The following SHPRH variants were observed in gnomAD, a reference collection of about 807,000 sequenced individuals.
The protein encoded by SHPRH is SNF2 histone linker PHD RING helicase, also known as E3 ubiquitin-protein ligase SHPRH.
In SHPRH, 106 loss-of-function variants were observed where a neutral mutation model predicts 202.5. The observed-to-expected ratio is 0.52, with a 90% CI of 0.45 to 0.62. SHPRH has a LOEUF of 0.62. Among genes scored for constraint, SHPRH ranks in the 20% least tolerant of loss-of-function variants. The pLI, the probability that SHPRH is intolerant of heterozygous loss-of-function variation, is 0.00. For missense variants in SHPRH, 1,710 were observed against 2,020.0 expected (o/e 0.85, Z 2.94); for synonymous variants, 729 against 686.0 (o/e 1.06, Z -0.98).
At chr6:145,911,838 A>G (rs1450530026) in intron 24 of SHPRH, among the ~76,000 whole-genome samples, 5 of 152,126 alleles carry the variant, frequency 3.3e-5, no homozygotes, top group African/African-American at 1.2e-4. Context: ...TATTTTGCCT[A>G]TTAACAGCTA....
In SHPRH at chr6:145,894,982, G is replaced by A. The variant is rs540607937; in HGVS notation, c.4516-5C>T. Reference sequence around the variant, plus strand: ...CACTTTTGTAGAATGGCTGCCCTTTGAACACACACACAAAATACACATTAC... The same window carrying A: ...CACTTTTGTAGAATGGCTGCCCTTTAAACACACACACAAAATACACATTAC... On this transcript the variant is annotated splice_polypyrimidine_tract_variant and splice_region_variant and intron_variant, in intron 25 of 29. Coordinates refer to ENST00000275233, the MANE Select transcript of SHPRH (RefSeq NM_001042683.3). The A allele has an allele frequency of 9.9e-5, 159 of 1,611,926 alleles. 1 individual carries two copies. The Middle Eastern group carries it at 2.0e-3, about 20-fold the overall frequency.
chr6:145,889,581 T>C (rs2128711276), intron 28 of SHPRH, among the ~76,000 whole-genome samples: 1 of 152,284 alleles, frequency 6.6e-6, no homozygotes, highest in Admixed American at 6.5e-5. Context: ...CACAAAATTA[T>C]TTAAAATATT....
Position 145,894,240 on chromosome 6 carries a change from G to T in SHPRH, c.4609-4C>A. 6.3e-7 allele frequency: 1 copy of T among 1,586,552 alleles called. No individual in the cohort carries two copies. Among genetic ancestry groups the T allele is most frequent in the South Asian group, 1.1e-5 (1 of 87,040 alleles). ...TAATATCTAATACATCTTGCCACTAGAACACATAAAACAATAAGAAAACCA... is the reference window on the plus strand; with the variant it reads ...TAATATCTAATACATCTTGCCACTATAACACATAAAACAATAAGAAAACCA... On this transcript the variant is annotated splice_polypyrimidine_tract_variant and splice_region_variant and intron_variant, in intron 26 of 29. Transcript: ENST00000275233.
At chr6:145,875,318 C>T (rs1407872904) in intron 2 of SHPRH, among the ~76,000 whole-genome samples, 1 of 152,180 alleles carries the variant, frequency 6.6e-6, no homozygotes, top group Non-Finnish European at 1.5e-5. Flanking sequence ...AGGGATGCTG[C>T]TCAATCTTAT....
chr6:145,943,108 A>G (rs1323109349), intron 9 of SHPRH, 35 bp downstream of exon 9: 4 of 1,523,712 alleles, frequency 2.6e-6, no homozygotes, highest in Non-Finnish European at 3.5e-6. Flanking sequence ...AAAACTTTAC[A>G]TTTTCCTCTC....
Position 145,950,329 on chromosome 6 carries a change from G to T in SHPRH, c.917C>A (p.Pro306His), listed in dbSNP as rs368354365. 1.2e-6 allele frequency: 2 copies of T among 1,613,102 alleles called. No homozygotes were observed. The highest frequency in any genetic ancestry group is 2.7e-5 in the African/African-American group (2 of 74,924). Residue 306 changes from proline to histidine, a missense_variant, in exon 4 of 30, where the codon CCC (proline) becomes CAC (histidine). Coordinates refer to ENST00000275233, the MANE Select transcript of SHPRH (RefSeq NM_001042683.3). ...CCAATTGACAGCCTCTCTTTGGTAGGGTCTCAACACAGGGATCAATGCAGG... is the reference window on the plus strand; with the variant it reads ...CCAATTGACAGCCTCTCTTTGGTAGTGTCTCAACACAGGGATCAATGCAGG... ...QHPALIPVLR[P>H]YQREAVNWML... is the part of the protein sequence containing the mutation.
At chr6:145,890,803 T>A (rs1415868751) in intron 28 of SHPRH, among the ~76,000 whole-genome samples, 1 of 152,200 alleles carries the variant, frequency 6.6e-6, no homozygotes, top group African/African-American at 2.4e-5. Flanking sequence ...GGTTACTTCA[T>A]CCTTCTAGTT....
At chr6:145,862,438 C>CAAAACA (rs1554219701), downstream of SHPRH, among the ~76,000 whole-genome samples, 4 of 130,640 alleles carry the variant, frequency 3.1e-5, no homozygotes, top group African/African-American at 1.3e-4. Context: ...CAAAACAAAA[C>CAAAACA]AAAAAAACAA....
chr6:145,922,872 A>G (rs971934381), intron 18 of SHPRH, 36 bp from the exon 19 acceptor site: 21 of 1,524,724 alleles, frequency 1.4e-5, no homozygotes, highest in Non-Finnish European at 1.8e-5. Context: ...CAATACAAAG[A>G]AAAGAATAAT....
rs1047568022 is a variant in SHPRH, at chr6:145,943,889, T to TTATG, written c.1579-91_1579-88dup. On this transcript the variant is annotated intron_variant, in intron 8 of 29. Transcript: ENST00000275233. ...GACTTTATGTAAGTACTTCATATAA[T>TTATG]TATGTAGCAGCCAGTCTTTGCTACC... 1.1e-4 allele frequency: 135 copies of TTATG among 1,247,214 alleles called. No individual in the cohort carries two copies. The African/African-American group carries it at 1.9e-3, about 17-fold the overall frequency. 77.3% of individuals were successfully genotyped at this position (1,247,214 alleles called of 1,614,324 possible).
At chr6:145,932,399 G>A (rs937575058) in intron 14 of SHPRH, among the ~76,000 whole-genome samples, 5 of 152,172 alleles carry the variant, frequency 3.3e-5, no homozygotes, top group African/African-American at 1.2e-4. Context: ...TGATCCGTGA[G>A]AGATGGAGAA....
rs1787360661 is a variant in SHPRH at position 145,946,236 on chromosome 6, G to T, written c.1318C>A (p.Pro440Thr). 1 of 1,604,868 alleles carries T rather than the reference G, an allele frequency of 6.2e-7. No homozygotes were observed. The highest frequency in any genetic ancestry group is 8.5e-7 in the Non-Finnish European group (1 of 1,175,428). The change falls in exon 7 of 30, where the codon CCT (proline) becomes ACT (threonine). Residue 440 changes from proline (P) to threonine (T), a missense_variant. Physicochemically the swap from Pro to Thr is conservative, Grantham distance 38. Transcript: ENST00000275233. ...EFEPKEKVQCPPTRVMILTAV... is the reference protein window; with the variant it reads ...EFEPKEKVQCTPTRVMILTAV... Reference sequence around the variant, plus strand: ...CTTTAAGAGATGTCTTACTTACGAGGGCATTGAACTTTTTCTTTTGGTTCA... The same window carrying T: ...CTTTAAGAGATGTCTTACTTACGAGTGCATTGAACTTTTTCTTTTGGTTCA...
chr6:145,869,462 A>G (rs1430979270), intron 2 of SHPRH, among the ~76,000 whole-genome samples: 1 of 152,242 alleles, frequency 6.6e-6, no homozygotes, highest in African/African-American at 2.4e-5. Flanking sequence ...AAGGAGTGTT[A>G]TAATTCTGCA....
At chr6:145,961,451 C>T (rs184237344) in intron 1 of SHPRH, among the ~76,000 whole-genome samples, 8 of 152,262 alleles carry the variant, frequency 5.3e-5, no homozygotes, top group African/African-American at 1.4e-4. Flanking sequence ...GAAATGACTG[C>T]CCAGCTTGGT....
intron 11 of SHPRH, 121 bp from the exon 12 acceptor site, chr6:145,935,562 T>C (rs1785980336): frequency 1.1e-6 from 1 of 883,350 alleles, no homozygotes; most frequent in African/African-American, 1.7e-5. Flanking sequence ...ATACAGGCTG[T>C]ATAGGCTCTT....
chr6:145,886,278 A>T lies in SHPRH; in HGVS notation c.*413T>A. 1.9e-6 allele frequency: 1 copy of T among 523,182 alleles called. No individual in the cohort carries two copies. Among genetic ancestry groups the T allele is most frequent in the East Asian group, 3.0e-5 (1 of 32,802 alleles). The allele number at this position is 523,182 out of a possible 1,614,324, so 32.4% of individuals were successfully genotyped here. On this transcript the variant is annotated 3_prime_UTR_variant, in exon 30 of 30. Coordinates refer to ENST00000275233, the MANE Select transcript of SHPRH (RefSeq NM_001042683.3). ...TATTGGTGAATCATGTGCTAAAGATACTGAAGGCCCTTCCAAAACTGAGAT... is the reference window on the plus strand; with the variant it reads ...TATTGGTGAATCATGTGCTAAAGATTCTGAAGGCCCTTCCAAAACTGAGAT...
At chr6:145,862,443 A>AACAACAAC (rs1188005249), downstream of SHPRH, among the ~76,000 whole-genome samples, 2 of 110,908 alleles carry the variant, frequency 1.8e-5, no homozygotes, top group Admixed American at 8.0e-5. Flanking sequence ...CAAAACAAAA[A>AACAACAAC]AACAAAAACA....
rs182244459 is a variant in SHPRH at position 145,910,606 on chromosome 6, A to G, written c.4357T>C (p.Cys1453Arg). Residue 1453 changes from cysteine to arginine, a missense_variant, in exon 25 of 30, where the codon TGT (cysteine) becomes CGT (arginine). Transcript: ENST00000275233. Reference protein sequence around the residue: ...WAVLTCGHCFCNECISIIIEQ... With the variant: ...WAVLTCGHCFRNECISIIIEQ... The stretch of plus-strand genomic sequence containing the variant: ...ATAATTATAGAAATGCATTCATTAC[A>G]GAAACAGTGACCACAGGTCAGTACC... 6.2e-7 allele frequency: 1 copy of G among 1,613,046 alleles called. No individual in the cohort carries two copies. Among genetic ancestry groups the G allele is most frequent in the Admixed American group, 1.7e-5 (1 of 59,934 alleles).
chr6:145,940,658 T>C (rs1356589371), intron 11 of SHPRH, 65 bp downstream of exon 11: 4 of 1,507,230 alleles, frequency 2.7e-6, no homozygotes, highest in African/African-American at 1.4e-5. Flanking sequence ...AGCATAACAA[T>C]ACTTTTCTCT....
Sources: allele counts gnomAD v4.1 joint callset (sites outside exome capture counted in the v4.1 genomes callset), GRCh38; gene constraint gnomAD v4.1.1; transcripts MANE v1.5; gene names NCBI Gene and HGNC (gene_info 2026-07-23, HGNC 2026-07-21).